Variants in C11orf65 observed in about 807,000 individuals in gnomAD.
C11orf65 encodes the protein chromosome 11 open reading frame 65.
A neutral mutation model predicts 35.3 loss-of-function variants in C11orf65; 38 were observed. That is an observed-to-expected ratio of 1.08 (90% CI 0.83 to 1.41). The LOEUF is 1.41. C11orf65 is among the 40% of genes most tolerant of loss of function. C11orf65 has a pLI of 0.00. For synonymous variants in C11orf65, 105 were observed against 114.4 expected, an observed-to-expected ratio of 0.92 and a Z score of 0.53; for missense variants, 370 against 367.1, an observed-to-expected ratio of 1.01 and a Z score of -0.06.
chr11:108,347,256 T>G, intron 2 of C11orf65: 6 of 1,506,924 alleles, frequency 4.0e-6, no homozygotes, highest in South Asian at 1.1e-5. Flanking sequence ...TGATTTCAGA[T>G]TGTTTGTTTC....
intron 2 of C11orf65, among the ~76,000 whole-genome samples, chr11:108,350,265 G>A (rs1209191136): frequency 1.3e-5 from 2 of 152,128 alleles, no homozygotes; most frequent in Non-Finnish European, 2.9e-5. Flanking sequence ...GTGGTGGAGG[G>A]ACAAGGGGAC....
downstream of C11orf65, among the ~76,000 whole-genome samples, chr11:108,378,351 GA>G (rs2091782934): frequency 7.0e-6 from 1 of 142,800 alleles, no homozygotes; most frequent in South Asian, 2.3e-4. Context: ...TCTGATCTTT[GA>G]CAAACCTGAG....
At chr11:108,336,877 CAATA>C (rs140404568) in intron 2 of C11orf65, among the ~76,000 whole-genome samples, 1,958 of 152,252 alleles carry the variant, frequency 0.013, 52 homozygotes, top group African/African-American at 0.044. Context: ...TTAGAAATAA[CAATA>C]AATCCTTATT....
At chr11:108,321,562 C>G in intron 6 of C11orf65, 2 of 1,246,142 alleles carry the variant, frequency 1.6e-6, no homozygotes, top group South Asian at 2.4e-5. Context: ...GTGGGTGGAT[C>G]ACTTGAGGTC....
At position 108,334,980 on chromosome 11, in the gene C11orf65, A is replaced by G; in HGVS notation, c.299+240T>C. 6.2e-7 allele frequency: 1 copy of G among 1,613,468 alleles called. No individual in the cohort carries two copies. On this transcript the variant is annotated intron_variant, in intron 3 of 3. Transcript: ENST00000524755. The stretch of plus-strand genomic sequence containing the variant: ...TATACTTTTATTAGGTGGACCACAC[A>G]GGAGAATATGGAAATCTGGTGACTA...
chr11:108,320,964 T>C (rs193019521), intron 6 of C11orf65, among the ~76,000 whole-genome samples: 3 of 152,260 alleles, frequency 2.0e-5, no homozygotes, highest in African/African-American at 7.2e-5. Flanking sequence ...GAAGAGAACA[T>C]ATATTTACTA....
rs80040698 is a variant in C11orf65, at chr11:108,424,460, G to C, written c.174+7286C>G. On this transcript the variant is annotated intron_variant, in intron 3 of 8. Coordinates refer to ENST00000393084, the MANE Select transcript of C11orf65 (RefSeq NM_152587.5). ...ATACCTGAAAGTGATGGGGAGAATG[G>C]AACCAAGTTGGAAAACACTCTCCCA... Among the ~76,000 whole-genome samples, 909 of 152,164 alleles carry C rather than the reference G, an allele frequency of 6.0e-3. 22 individuals are homozygous for C. The highest frequency in any genetic ancestry group is 0.059 in the East Asian group (306 of 5,178).
In C11orf65 at chr11:108,333,880, A is replaced by T. The variant is rs373509918; in HGVS notation, c.299+1340T>A. 1 of 1,596,706 alleles carries T rather than the reference A, an allele frequency of 6.3e-7. No homozygotes were observed. Among genetic ancestry groups the T allele is most frequent in the African/African-American group, 1.3e-5 (1 of 74,516 alleles). On this transcript the variant is annotated intron_variant, in intron 3 of 3. Transcript: ENST00000524755. ...GTCACTAAAATCTCTTCATTTTTAA[A>T]TACAGAAGGCATAAATATTCCAGCA...
rs1555172149 is a variant in C11orf65 at position 108,433,827 on chromosome 11, C to T, written c.82-1989G>A. On this transcript the variant is annotated intron_variant, in intron 2 of 8. Coordinates refer to ENST00000393084, the MANE Select transcript of C11orf65 (RefSeq NM_152587.5). ...TTGCAGTACAGAGAGGAAGGGAAAT[C>T]CTTCTACTGGGACAGAACCTCAAGT... 2.0e-5 allele frequency among the ~76,000 whole-genome samples: 3 copies of T among 149,516 alleles called. 1 individual carries two copies. Among genetic ancestry groups the T allele is most frequent in the Non-Finnish European group, 4.5e-5 (3 of 66,900 alleles).
Position 108,448,065 on chromosome 11 carries a change from C to T in C11orf65, c.81+13414G>A, listed in dbSNP as rs964146280. Among the ~76,000 whole-genome samples, 18 of 152,110 alleles carry T rather than the reference C, an allele frequency of 1.2e-4. No individual in the cohort carries two copies. In the South Asian group the frequency reaches 2.3e-3, roughly 19 times the overall value. Reference sequence around the variant, plus strand: ...TGGATAAATTCCTTGACACATACACCCTCCCAAGACTAAACCAGGAAGAAG... The same window carrying T: ...TGGATAAATTCCTTGACACATACACTCTCCCAAGACTAAACCAGGAAGAAG... On this transcript the variant is annotated intron_variant, in intron 2 of 8. Transcript: ENST00000393084.
At chr11:108,461,300 T>C (rs999601614) in intron 2 of C11orf65, among the ~76,000 whole-genome samples, 179 bp downstream of exon 2, 2 of 152,006 alleles carry the variant, frequency 1.3e-5, no homozygotes, top group Admixed American at 6.6e-5. Flanking sequence ...CTGGGGAGGC[T>C]GAGGTGGGAG....
chr11:108,348,377 T>TAAGA (rs1035191499), intron 2 of C11orf65, among the ~76,000 whole-genome samples: 1 of 151,452 alleles, frequency 6.6e-6, no homozygotes, highest in Non-Finnish European at 1.5e-5. Flanking sequence ...GTTTAATATA[T>TAAGA]AAGAAAGAAA....
intron 2 of C11orf65, chr11:108,369,103 T>C (rs1307527163): frequency 5.9e-6 from 1 of 168,254 alleles, no homozygotes; most frequent in Non-Finnish European, 1.3e-5. Flanking sequence ...TAAAAGCATA[T>C]ACTAAGACTC....
chr11:108,464,676 T>C (rs2093513366), intron 1 of C11orf65, among the ~76,000 whole-genome samples: 1 of 152,050 alleles, frequency 6.6e-6, no homozygotes, highest in Non-Finnish European at 1.5e-5. Context: ...TATATTTGAA[T>C]TGACTCTCTC....
chr11:108,443,706 C>A (rs1382513623), intron 2 of C11orf65, among the ~76,000 whole-genome samples: 1 of 152,116 alleles, frequency 6.6e-6, no homozygotes, highest in Non-Finnish European at 1.5e-5. Flanking sequence ...GAACAACCTG[C>A]TCCTGAATGA....
chr11:108,432,700 A>T (rs2093006299), intron 2 of C11orf65, among the ~76,000 whole-genome samples: 1 of 152,196 alleles, frequency 6.6e-6, no homozygotes, highest in South Asian at 2.1e-4. Flanking sequence ...AACAATCTAA[A>T]GCCCCACTAC....
At chr11:108,377,666 A>T (rs2091765274) in intron 2 of C11orf65, among the ~76,000 whole-genome samples, 1 of 151,406 alleles carries the variant, frequency 6.6e-6, no homozygotes, top group Non-Finnish European at 1.5e-5. Flanking sequence ...AAGGGTATTC[A>T]ATTAGGAAAA....
chr11:108,449,014 T>A (rs917993812), intron 2 of C11orf65, among the ~76,000 whole-genome samples: 1 of 152,180 alleles, frequency 6.6e-6, no homozygotes, highest in Admixed American at 6.5e-5. Context: ...AGCCAAATCA[T>A]GAGTGAACTC....
At chr11:108,424,839 C>G (rs78384285) in intron 3 of C11orf65, among the ~76,000 whole-genome samples, 2 of 152,120 alleles carry the variant, frequency 1.3e-5, no homozygotes, top group African/African-American at 4.8e-5. Flanking sequence ...ATTAGAACTC[C>G]GGATTTTAAA....
Sources: allele counts gnomAD v4.1 joint callset (sites outside exome capture counted in the v4.1 genomes callset), GRCh38; gene constraint gnomAD v4.1.1; transcripts MANE v1.5; gene names NCBI Gene and HGNC (gene_info 2026-07-23, HGNC 2026-07-21).